RC3H2: variants seen among roughly 807,000 people sequenced by gnomAD.
The protein encoded by RC3H2 is roquin-2.
In RC3H2, 31 loss-of-function variants were observed where a neutral mutation model predicts 133.3. The observed-to-expected ratio is 0.23, with a 90% CI of 0.17 to 0.31. The LOEUF (loss-of-function observed/expected upper bound fraction) is 0.31, where lower values mean the gene tolerates loss of function less well. Among genes scored for constraint, RC3H2 ranks in the 10% least tolerant of loss-of-function variants. The probability of loss-of-function intolerance (pLI) is 1.00; values close to 1 mark genes in which losing one functional copy is unlikely to be tolerated. For synonymous variants in RC3H2, 517 were observed against 502.2 expected, an observed-to-expected ratio of 1.03 and a Z score of -0.40; for missense variants, 1,175 against 1,437.2, an observed-to-expected ratio of 0.82 and a Z score of 2.95.
intron 15 of RC3H2, among the ~76,000 whole-genome samples, 158 bp from the exon 16 acceptor site, chr9:122,854,773 G>A (rs1313478883): frequency 6.6e-6 from 1 of 152,222 alleles, no homozygotes; most frequent in Admixed American, 6.5e-5. Context: ...TTAAATGGAG[G>A]GAAATGTTTT....
At chr9:122,873,485 G>C (rs748801879) in intron 9 of RC3H2, among the ~76,000 whole-genome samples, 7 of 152,158 alleles carry the variant, frequency 4.6e-5, no homozygotes, top group Non-Finnish European at 8.8e-5. Context: ...GGCTGAGGTG[G>C]GCAGATTGAG....
intron 9 of RC3H2, among the ~76,000 whole-genome samples, chr9:122,866,335 G>C (rs992377309): frequency 2.0e-4 from 29 of 146,604 alleles, no homozygotes; most frequent in Admixed American, 4.1e-4. Flanking sequence ...TTTGATTTTG[G>C]ATTCCATTTA....
At chr9:122,861,094 C>A (rs914064954) in intron 10 of RC3H2, among the ~76,000 whole-genome samples, 1 of 152,064 alleles carries the variant, frequency 6.6e-6, no homozygotes, top group Non-Finnish European at 1.5e-5. Context: ...CAAAACACAC[C>A]AACCTTTTAT....
rs114671094 is a variant in RC3H2 at position 122,876,749 on chromosome 9, T to C, written c.1325+722A>G. ...AAACAAAACAACAAAAATTGGATAA[T>C]AGTATTAAACCTTACATACATTAAC... On this transcript the variant is annotated intron_variant, in intron 9 of 20. Coordinates refer to ENST00000357244, the MANE Select transcript of RC3H2 (RefSeq NM_001100588.3). 7.7e-3 allele frequency among the ~76,000 whole-genome samples: 1,170 copies of C among 151,854 alleles called. 13 individuals are homozygous for C. The highest frequency in any genetic ancestry group is 0.027 in the African/African-American group (1,103 of 41,354).
rs1829940892 is a variant in RC3H2 at position 122,849,544 on chromosome 9, T to C, written c.*83A>G. The C allele has an allele frequency of 2.0e-6, 1 of 491,098 alleles. No homozygotes were observed. The highest frequency in any genetic ancestry group is 3.0e-6 in the Non-Finnish European group (1 of 333,196). 30.4% of individuals were successfully genotyped at this position (491,098 alleles called of 1,614,324 possible). ...ATCTTTTTTTTAAAAAAAATATACA[T>C]TATATAATATATATTATATATATAA... On this transcript the variant is annotated 3_prime_UTR_variant, in exon 21 of 21. Transcript: ENST00000357244.
intron 1 of RC3H2, among the ~76,000 whole-genome samples, 181 bp downstream of exon 1, chr9:122,904,929 G>T (rs535202613): frequency 6.8e-4 from 103 of 152,290 alleles, no homozygotes; most frequent in Non-Finnish European, 1.3e-3. Flanking sequence ...ACCAGAGAGA[G>T]GGGCCTCCGC....
In RC3H2 at chr9:122,851,435, A is replaced by G; in HGVS notation, c.3119T>C (p.Leu1040Ser). 6.2e-7 allele frequency: 1 copy of G among 1,613,772 alleles called. No homozygotes were observed. The highest frequency in any genetic ancestry group is 8.5e-7 in the Non-Finnish European group (1 of 1,179,880). ...TGCATCTTCTGTATAATCACTCTGT[A>G]ACTAAGAAAAATACTGATTTTGCTC... ...SKEIELRNGE[L>S]QSDYTEDATD... Residue 1040 changes from leucine to serine, a missense_variant and splice_region_variant, in exon 19 of 21, where the codon TTA (leucine) becomes TCA (serine). Physicochemically the swap from Leu to Ser is moderately radical, Grantham distance 145. This residue lies in a region of RC3H2 where 220 missense variants were observed against 201.1 expected (regional missense o/e 1.09). Transcript: ENST00000357244.
chr9:122,867,597 G>A (rs1830767221), intron 9 of RC3H2, among the ~76,000 whole-genome samples: 2 of 124,792 alleles, frequency 1.6e-5, no homozygotes, highest in Admixed American at 1.5e-4. Context: ...CTGCCCGGCC[G>A]CCATCCCATC....
chr9:122,873,782 G>A (rs1400027287), intron 9 of RC3H2: 1 of 151,862 alleles, frequency 6.6e-6, no homozygotes, highest in African/African-American at 2.4e-5. Flanking sequence ...TTATAATACT[G>A]TAGTTTTATA....
intron 4 of RC3H2, among the ~76,000 whole-genome samples, chr9:122,886,373 C>G (rs967339274): frequency 6.6e-6 from 1 of 152,132 alleles, no homozygotes; most frequent in Non-Finnish European, 1.5e-5. Context: ...CATTTGTATA[C>G]AAGTATTAGT....
intron 18 of RC3H2, among the ~76,000 whole-genome samples, chr9:122,852,282 G>A (rs1223644380): frequency 6.6e-6 from 1 of 150,648 alleles, no homozygotes; most frequent in African/African-American, 2.5e-5. Flanking sequence ...TATGAGAAGT[G>A]AGGAGCCTCT....
intron 4 of RC3H2, 24 bp from the exon 5 acceptor site, chr9:122,883,403 G>A: frequency 1.9e-6 from 3 of 1,564,718 alleles, no homozygotes; most frequent in African/African-American, 1.4e-5. Context: ...AGGAACATGA[G>A]TTCATGACAA....
chr9:122,889,817 T>G (rs950482312), intron 4 of RC3H2, among the ~76,000 whole-genome samples: 2 of 152,198 alleles, frequency 1.3e-5, no homozygotes, highest in African/African-American at 4.8e-5. Context: ...ACAAAAGCAC[T>G]GTCTATCATA....
At chr9:122,854,767 A>G in intron 15 of RC3H2, 152 bp from the exon 16 acceptor site, 1 of 635,938 alleles carries the variant, frequency 1.6e-6, no homozygotes, top group East Asian at 2.8e-5. Flanking sequence ...TGGTTGTTAA[A>G]TGGAGGGAAA....
At chr9:122,867,336 T>G in intron 9 of RC3H2, among the ~76,000 whole-genome samples, 1 of 115,956 alleles carries the variant, frequency 8.6e-6, no homozygotes, top group Non-Finnish European at 1.9e-5. Context: ...GAGGGGCGCC[T>G]CTGCCCAGCC....
rs142035894 is a variant in RC3H2 at position 122,862,338 on chromosome 9, A to G, written c.1635-2207T>C. 5.3e-3 allele frequency among the ~76,000 whole-genome samples: 813 copies of G among 152,322 alleles called. 7 individuals are homozygous for G. The highest frequency in any genetic ancestry group is 0.019 in the African/African-American group (778 of 41,566). On this transcript the variant is annotated intron_variant, in intron 10 of 20. Transcript: ENST00000357244. ...TCAGTCACATCCTAGTGAGCATGAG[A>G]TCACTATCCTAGATGACTTTCAGGA... is the stretch of plus-strand genomic sequence containing the variant.
intron 9 of RC3H2, chr9:122,874,619 G>C (rs1335984964): frequency 2.0e-5 from 3 of 152,322 alleles, no homozygotes; most frequent in African/African-American, 7.2e-5. Flanking sequence ...CCGAGTTCAA[G>C]CAATCCTCCC....
At chr9:122,902,516 G>A (rs534591860) in intron 1 of RC3H2, among the ~76,000 whole-genome samples, 27 of 152,156 alleles carry the variant, frequency 1.8e-4, no homozygotes, top group African/African-American at 6.0e-4. Context: ...ATTATAATCC[G>A]AGTAATTTTT....
In RC3H2 at chr9:122,873,387, T is replaced by C. The variant is rs907983116; in HGVS notation, c.1325+4084A>G. On this transcript the variant is annotated intron_variant, in intron 9 of 20. Coordinates refer to ENST00000357244, the MANE Select transcript of RC3H2 (RefSeq NM_001100588.3). Reference sequence around the variant, plus strand: ...ACATAAACATACTGAGTTTATGTTATCAGGTGTTTTCTAGATGCAGGAAAT... The same window carrying C: ...ACATAAACATACTGAGTTTATGTTACCAGGTGTTTTCTAGATGCAGGAAAT... 3.3e-5 allele frequency among the ~76,000 whole-genome samples: 5 copies of C among 152,172 alleles called. No homozygotes were observed. In the East Asian group the frequency reaches 7.7e-4, roughly 23 times the overall value.
Sources: gnomAD v4.1 joint callset for allele counts (sites outside exome capture counted in the v4.1 genomes callset) on GRCh38, gnomAD v4.1.1 for gene constraint, gnomAD v4.1.1 regional missense constraint, MANE v1.5 for transcripts, NCBI Gene and HGNC (gene_info 2026-07-23, HGNC 2026-07-21) for gene names.